PSG6: variants seen among roughly 807,000 people sequenced by gnomAD.
PSG6 encodes the protein pregnancy-specific beta-1-glycoprotein 6.
In PSG6, 51 loss-of-function variants were observed where a neutral mutation model predicts 43.3. The ratio of observed to expected loss-of-function variants is 1.18; its 90% CI spans 0.94 to 1.49. PSG6 has a LOEUF of 1.49. PSG6 is among the 40% of genes most tolerant of loss of function. PSG6 has a pLI of 0.00. For synonymous variants in PSG6, 292 were observed against 197.6 expected (o/e 1.48, Z -4.01); for missense variants, 770 against 522.2 (o/e 1.47, Z -4.62).
chr19:42,907,447 C>G, intron 4 of PSG6, 129 bp downstream of exon 4: 1 of 1,528,340 alleles, frequency 6.5e-7, no homozygotes, highest in Non-Finnish European at 8.8e-7. Context: ...GGCAGGGAGT[C>G]ATGGCCAGGT....
intron 4 of PSG6, 33 bp downstream of exon 4, chr19:42,907,543 G>T: frequency 6.2e-7 from 1 of 1,609,890 alleles, no homozygotes; most frequent in Non-Finnish European, 8.5e-7. Context: ...TTAAGCTGGT[G>T]TCCTGGCCCA....
At position 42,907,731 on chromosome 19, in the gene PSG6, T is replaced by C; in HGVS notation, c.830A>G (p.Gln277Arg). The change falls in exon 4 of 6, where the codon CAG (glutamine) becomes CGG (arginine). Residue 277 changes from glutamine (Q) to arginine (R), a missense_variant. By Grantham distance (43) the Gln-to-Arg change is conservative. Coordinates refer to ENST00000187910, the MANE Select transcript of PSG6 (RefSeq NM_001031850.4). ...NYTYIWWLNG[Q>R]SLPVSPRVKR... is the part of the protein sequence containing the mutation. ...TACCCTCGGACTGACCGGGAGGCTC[T>C]GACCATTTAGCCACCAAATGTAGGT... The C allele has an allele frequency of 6.2e-7, 1 of 1,610,904 alleles. No individual in the cohort carries two copies. The highest frequency in any genetic ancestry group is 2.2e-5 in the East Asian group (1 of 44,798).
intron 2 of PSG6, chr19:42,915,415 C>T (rs1972306463): frequency 6.6e-6 from 1 of 152,034 alleles, no homozygotes; most frequent in Non-Finnish European, 1.5e-5. Context: ...CCTGGTGCAT[C>T]TTCTCTCTTC....
chr19:42,905,250 T>C (rs1306393920), intron 5 of PSG6, among the ~76,000 whole-genome samples: 1 of 151,694 alleles, frequency 6.6e-6, no homozygotes, highest in Non-Finnish European at 1.5e-5. Flanking sequence ...AGGCAACAAA[T>C]AAAATGGATA....
At chr19:42,912,313 T>C (rs1173879111) in intron 2 of PSG6, among the ~76,000 whole-genome samples, 3 of 151,598 alleles carry the variant, frequency 2.0e-5, no homozygotes, top group Non-Finnish European at 2.9e-5. Context: ...CAAAAAAAAT[T>C]TGGAGGAAAC....
At position 42,907,144 on chromosome 19, in the gene PSG6, A is replaced by C. The variant is rs755514025; in HGVS notation, c.1018T>G (p.Phe340Val). 6.2e-7 allele frequency: 1 copy of C among 1,612,712 alleles called. No individual in the cohort carries two copies. The highest frequency in any genetic ancestry group is 1.7e-5 in the Admixed American group (1 of 59,934). ...GPDLPRIYPS[F>V]TYYRSGENLD... ...TTTTCTCCTGAACGGTAATAGGTGAATGAAGGGTAAATTCTGGGGAGGTCT... is the reference window on the plus strand; with the variant it reads ...TTTTCTCCTGAACGGTAATAGGTGACTGAAGGGTAAATTCTGGGGAGGTCT... The change falls in exon 5 of 6, where the codon TTC (phenylalanine) becomes GTC (valine). Residue 340 changes from phenylalanine (F) to valine (V), a missense_variant. Phe to Val is a conservative substitution (Grantham distance 50). Coordinates refer to ENST00000187910, the MANE Select transcript of PSG6 (RefSeq NM_001031850.4).
chr19:42,909,760 A>T (rs1972182549), intron 3 of PSG6: 1 of 151,710 alleles, frequency 6.6e-6, no homozygotes, highest in African/African-American at 2.4e-5. Context: ...GAAAGAGTGA[A>T]GGGGACAGGC....
chr19:42,906,168 A>C (rs1972108332), intron 5 of PSG6, among the ~76,000 whole-genome samples: 1 of 151,552 alleles, frequency 6.6e-6, no homozygotes, highest in African/African-American at 2.4e-5. Context: ...CTAGCTCTGC[A>C]TCAGTCACTG....
In PSG6 at chr19:42,902,465, AG is replaced by A. The variant is rs1368318828; in HGVS notation, c.1241-20del. On this transcript the variant is annotated intron_variant, in intron 5 of 5. Transcript: ENST00000187910. ...CAGGGACCTGATTGACAGAAGGCCC[AG>A]GTCAGCGCATTTCAAATTCACTACC... The A allele has an allele frequency of 1.2e-6, 2 of 1,608,548 alleles. No individual in the cohort carries two copies. Among genetic ancestry groups the A allele is most frequent in the Non-Finnish European group, 1.7e-6 (2 of 1,177,210 alleles).
chr19:42,902,479 CA>C (rs1282438814), intron 5 of PSG6, 33 bp from the exon 6 acceptor site: 1 of 1,606,844 alleles, frequency 6.2e-7, no homozygotes, highest in African/African-American at 1.3e-5. Flanking sequence ...CAGCGCATTT[CA>C]AATTCACTAC....
chr19:42,916,260 C>G lies in PSG6; in HGVS notation c.292G>C (p.Glu98Gln), dbSNP rs1972326575. Residue 98 changes from glutamate to glutamine, a missense_variant, in exon 2 of 6, where the codon GAA becomes CAA. Coordinates refer to ENST00000187910, the MANE Select transcript of PSG6 (RefSeq NM_001031850.4). ...AGGGATGCATTGGAATATACTGTTTCTCGTCCACTGTAGGCAGGCCCATAT... is the reference window on the plus strand; with the variant it reads ...AGGGATGCATTGGAATATACTGTTTGTCGTCCACTGTAGGCAGGCCCATAT... Reference protein sequence around the residue: ...IIYGPAYSGRETVYSNASLLI... With the variant: ...IIYGPAYSGRQTVYSNASLLI... The G allele has an allele frequency of 6.2e-7, 1 of 1,612,088 alleles. No individual in the cohort carries two copies. The highest frequency in any genetic ancestry group is 1.3e-5 in the African/African-American group (1 of 74,660).
intron 5 of PSG6, among the ~76,000 whole-genome samples, chr19:42,904,634 T>A (rs189985740): frequency 0.012 from 1,822 of 151,708 alleles, 43 homozygotes; most frequent in Middle Eastern, 0.027. Flanking sequence ...CTGAAAGAAA[T>A]GAAAGATGAC....
intron 2 of PSG6, among the ~76,000 whole-genome samples, chr19:42,913,958 C>A (rs1011261866): frequency 6.6e-6 from 1 of 151,714 alleles, no homozygotes; most frequent in Non-Finnish European, 1.5e-5. Flanking sequence ...TAATAATAAA[C>A]CTCCACCCTC....
At position 42,909,222 on chromosome 19, in the gene PSG6, C is replaced by T. The variant is rs575577938; in HGVS notation, c.706+1358G>A. Among the ~76,000 whole-genome samples, 3 of 151,460 alleles carry T rather than the reference C, an allele frequency of 2.0e-5. No homozygotes were observed. The South Asian group carries it at 6.3e-4, about 32-fold the overall frequency. ...ATTCTTGCCCTTTTTTTTCTCTCACCATGTTTCTAGCTTGGTGATTAGTTT... is the reference window on the plus strand; with the variant it reads ...ATTCTTGCCCTTTTTTTTCTCTCACTATGTTTCTAGCTTGGTGATTAGTTT... On this transcript the variant is annotated intron_variant, in intron 3 of 5. Coordinates refer to ENST00000187910, the MANE Select transcript of PSG6 (RefSeq NM_001031850.4).
rs758821339 is a variant in PSG6, at chr19:42,910,749, C to A, written c.537G>T (p.Trp179Cys). The change falls in exon 3 of 6, where the codon TGG (tryptophan) becomes TGT (cysteine). Residue 179 changes from tryptophan to cysteine, a missense_variant. By Grantham distance (215) the Trp-to-Cys change is radical. Coordinates refer to ENST00000187910, the MANE Select transcript of PSG6 (RefSeq NM_001031850.4). ...TAGGGAGGTTCTGACCATTCAGCAA[C>A]CACAGGTAGCTTGCATCCGGAGTCT... ...DPETPDASYL[W>C]LLNGQNLPMT... The A allele has an allele frequency of 2.5e-6, 4 of 1,612,188 alleles. No individual in the cohort carries two copies. The African/African-American group carries it at 5.4e-5, about 22-fold the overall frequency.
intron 2 of PSG6, among the ~76,000 whole-genome samples, chr19:42,912,364 C>A (rs1267476021): frequency 6.6e-6 from 1 of 151,604 alleles, no homozygotes. Flanking sequence ...ACTGATGGTC[C>A]AAACATCTAA....
At position 42,906,667 on chromosome 19, in the gene PSG6, C is replaced by A. The variant is rs191633113; in HGVS notation, c.1240+255G>T. ...TGTCCCTCTGTGAAGCCTCTTCTAC[C>A]ACATAGGGCTCAGGGCTGATAAAGC... is the stretch of plus-strand genomic sequence containing the variant. On this transcript the variant is annotated intron_variant, in intron 5 of 5. Coordinates refer to ENST00000187910, the MANE Select transcript of PSG6 (RefSeq NM_001031850.4). The A allele has an allele frequency of 7.0e-4, 988 of 1,416,936 alleles. 15 individuals carry two copies. In the African/African-American group the frequency reaches 0.013, roughly 18 times the overall value. The allele number at this position is 1,416,936 out of a possible 1,614,324, so 87.8% of individuals were successfully genotyped here.
intron 3 of PSG6, chr19:42,909,648 C>T (rs1321081447): frequency 6.6e-6 from 1 of 151,588 alleles, no homozygotes; most frequent in Non-Finnish European, 1.5e-5. Context: ...TAAACTTATT[C>T]CAAAATATTT....
intron 5 of PSG6, among the ~76,000 whole-genome samples, chr19:42,903,018 G>A (rs1229735822): frequency 1.3e-5 from 2 of 151,576 alleles, no homozygotes; most frequent in Non-Finnish European, 2.9e-5. Context: ...ACCCTGTCAG[G>A]TAGGCATTAT....
Sources: allele counts gnomAD v4.1 joint callset (sites outside exome capture counted in the v4.1 genomes callset), GRCh38; gene constraint gnomAD v4.1.1; transcripts MANE v1.5; gene names NCBI Gene and HGNC (gene_info 2026-07-23, HGNC 2026-07-21).